The following PAX7 variants were observed in gnomAD, a reference collection of about 807,000 sequenced individuals.
PAX7 encodes paired box 7, also known as paired box protein Pax-7.
In PAX7, 18 loss-of-function variants were observed where a neutral mutation model predicts 50.7. The observed-to-expected ratio is 0.36, with a 90% confidence interval of 0.25 to 0.53. The LOEUF is 0.53. Ranked by LOEUF, PAX7 falls within the 20% of genes least tolerant of loss-of-function variation. The pLI, the probability that PAX7 is intolerant of heterozygous loss-of-function variation, is 0.93. For synonymous variants in PAX7, 310 were observed against 290.4 expected (o/e 1.07, Z -0.69); for missense variants, 644 against 702.9 (o/e 0.92, Z 0.95).
chr1:18,637,859 C>A (rs2088187571), intron 4 of PAX7, among the ~76,000 whole-genome samples: 1 of 152,242 alleles, frequency 6.6e-6, no homozygotes, highest in Non-Finnish European at 1.5e-5. Flanking sequence ...CCAGCTGTGC[C>A]GGGCGCCCCG....
chr1:18,721,812 A>G (rs1206280627), intron 7 of PAX7, among the ~76,000 whole-genome samples: 2 of 152,264 alleles, frequency 1.3e-5, no homozygotes, highest in Non-Finnish European at 2.9e-5. Flanking sequence ...CCCTGTGCAG[A>G]GTGGCAGAGA....
chr1:18,708,652 T>C (rs1368105327), intron 7 of PAX7, among the ~76,000 whole-genome samples: 2 of 152,068 alleles, frequency 1.3e-5, no homozygotes, highest in African/African-American at 4.8e-5. Context: ...TGCAGATTCA[T>C]CCCTTCATAC....
chr1:18,672,355 A>C (rs768888094), intron 4 of PAX7, among the ~76,000 whole-genome samples: 9 of 152,016 alleles, frequency 5.9e-5, no homozygotes, highest in South Asian at 4.1e-4. Context: ...AATACATAAG[A>C]TTCTTATAAT....
chr1:18,692,413 G>T (rs2089086083), intron 5 of PAX7, among the ~76,000 whole-genome samples: 1 of 152,106 alleles, frequency 6.6e-6, no homozygotes, highest in Non-Finnish European at 1.5e-5. Context: ...TTGGTGACGG[G>T]CACCCGTAAT....
intron 4 of PAX7, among the ~76,000 whole-genome samples, chr1:18,670,215 T>C (rs953269947): frequency 2.6e-5 from 4 of 152,154 alleles, no homozygotes; most frequent in African/African-American, 4.8e-5. Context: ...ACCTACCTTG[T>C]AGAGCCATGG....
At position 18,642,769 on chromosome 1, in the gene PAX7, A is replaced by T. The variant is rs188412139; in HGVS notation, c.586+6398A>T. The stretch of plus-strand genomic sequence containing the variant: ...GGGAGGGAGGGAACTCGCCTTCCCA[A>T]ATCGAATCAAGGCAGAACGGTGACC... On this transcript the variant is annotated intron_variant, in intron 4 of 8. Transcript: ENST00000420770. 4.1e-3 allele frequency among the ~76,000 whole-genome samples: 624 copies of T among 152,062 alleles called. 4 individuals carry two copies. Among genetic ancestry groups the T allele is most frequent in the African/African-American group, 0.013 (557 of 41,466 alleles).
rs1233819800 is a variant in PAX7 at position 18,735,970 on chromosome 1, G to A, written c.1402+92G>A. ...TGTTTATGGAGAGCTACAAGGTGGT[G>A]TCAGGGTGGGGAATGTCCATTTCAC... On this transcript the variant is annotated intron_variant, in intron 8 of 8. Coordinates refer to ENST00000420770, the MANE Select transcript of PAX7 (RefSeq NM_001135254.2). This position sits in a 1 kb window ranked among gnomAD's most constrained non-coding sequence, Gnocchi z 4.0. 6.2e-7 allele frequency: 1 copy of A among 1,613,802 alleles called. No homozygotes were observed. Among genetic ancestry groups the A allele is most frequent in the African/African-American group, 1.3e-5 (1 of 75,018 alleles).
At chr1:18,744,637 A>C (rs1452119642) in intron 8 of PAX7, among the ~76,000 whole-genome samples, 177 bp from the exon 9 acceptor site, 2 of 141,026 alleles carry the variant, frequency 1.4e-5, no homozygotes, top group Non-Finnish European at 3.0e-5. Context: ...GGATGGATGA[A>C]AGAATGGATG....
At chr1:18,706,547 C>T (rs1231003292) in intron 7 of PAX7, among the ~76,000 whole-genome samples, 6 of 151,104 alleles carry the variant, frequency 4.0e-5, no homozygotes, top group Admixed American at 1.3e-4. Flanking sequence ...TTGCAACCTC[C>T]GCCTCCTGGG....
At chr1:18,732,232 C>G (rs1409352934) in intron 7 of PAX7, among the ~76,000 whole-genome samples, 1 of 152,210 alleles carries the variant, frequency 6.6e-6, no homozygotes, top group South Asian at 2.1e-4. Flanking sequence ...TGTTTATTGT[C>G]AGCTTCGTTC....
rs1331503939 is a variant in PAX7, at chr1:18,689,332, G to A, written c.587-2422G>A. On this transcript the variant is annotated intron_variant, in intron 4 of 8. Coordinates refer to ENST00000420770, the MANE Select transcript of PAX7 (RefSeq NM_001135254.2). Reference sequence around the variant, plus strand: ...GGCTCTGAGCCCCAGAAATGGTGGGGAAGGGGCCCCAGGATGGCAGCTGTG... The same window carrying A: ...GGCTCTGAGCCCCAGAAATGGTGGGAAAGGGGCCCCAGGATGGCAGCTGTG... 5.9e-5 allele frequency among the ~76,000 whole-genome samples: 9 copies of A among 152,326 alleles called. No individual in the cohort carries two copies. The South Asian group carries it at 1.9e-3, about 32-fold the overall frequency.
At chr1:18,731,122 A>G (rs742074) in intron 7 of PAX7, among the ~76,000 whole-genome samples, 2,787 of 152,242 alleles carry the variant, frequency 0.018, 83 homozygotes, top group East Asian at 0.11. Context: ...AGTAAAATCT[A>G]CCCGGGGAGA....
At chr1:18,711,820 G>A (rs893675049) in intron 7 of PAX7, among the ~76,000 whole-genome samples, 28 of 152,170 alleles carry the variant, frequency 1.8e-4, no homozygotes, top group African/African-American at 6.3e-4. Flanking sequence ...AGTTTGTGGA[G>A]TGGACCAGGA....
At position 18,632,972 on chromosome 1, in the gene PAX7, T is replaced by G. The variant is rs1263493245; in HGVS notation, c.85+1284T>G. The stretch of plus-strand genomic sequence containing the variant: ...ATTTGCCCAACATGACGCAGAATAC[T>G]GAGGAGAGCCGAGTGCCGGTCGCTA... On this transcript the variant is annotated intron_variant, in intron 1 of 8. Coordinates refer to ENST00000420770, the MANE Select transcript of PAX7 (RefSeq NM_001135254.2). This position sits in a 1 kb window ranked among gnomAD's most constrained non-coding sequence, Gnocchi z 6.3. Among the ~76,000 whole-genome samples, 9 of 152,220 alleles carry G rather than the reference T, an allele frequency of 5.9e-5. No individual in the cohort carries two copies. Among genetic ancestry groups the G allele is most frequent in the Admixed American group, 5.9e-4 (9 of 15,288 alleles).
rs758228983 is a variant in PAX7, at chr1:18,634,443, C to T, written c.226C>T (p.Leu76=). ...CCGGCCCTGTGTCATCTCCCGACAG[C>T]TGCGTGTCTCCCACGGCTGCGTCTC... The part of the protein sequence containing the change: ...GIRPCVISRQ[L]RVSHGCVSKI... The change falls in exon 2 of 9, where the codon CTG becomes TTG. Residue 76 remains leucine (L), a synonymous_variant. Transcript: ENST00000420770. This position sits in a 1 kb window ranked among gnomAD's most constrained non-coding sequence, Gnocchi z 4.0. The T allele has an allele frequency of 2.5e-5, 40 of 1,614,236 alleles. No homozygotes were observed. Among genetic ancestry groups the T allele is most frequent in the Non-Finnish European group, 3.4e-5 (40 of 1,180,054 alleles).
chr1:18,729,514 A>G (rs1431596953), intron 7 of PAX7, among the ~76,000 whole-genome samples: 3 of 152,220 alleles, frequency 2.0e-5, no homozygotes, highest in Non-Finnish European at 2.9e-5. Context: ...AGTTTAGGAA[A>G]GTGGGAGTGC....
chr1:18,704,125 C>T (rs2089255996), intron 7 of PAX7, among the ~76,000 whole-genome samples: 1 of 152,168 alleles, frequency 6.6e-6, no homozygotes, highest in Non-Finnish European at 1.5e-5. Flanking sequence ...CTCCCAGTGT[C>T]AGGACAATGT....
At chr1:18,678,340 A>G (rs1273173817) in intron 4 of PAX7, among the ~76,000 whole-genome samples, 1 of 152,188 alleles carries the variant, frequency 6.6e-6, no homozygotes, top group Non-Finnish European at 1.5e-5. Context: ...CGGAGGTTGC[A>G]GTGAGCCGAG....
intron 8 of PAX7, among the ~76,000 whole-genome samples, chr1:18,744,603 T>G (rs1485849766): frequency 7.0e-6 from 1 of 142,944 alleles, no homozygotes; most frequent in African/African-American, 2.7e-5. Context: ...AGAAGATGAG[T>G]GGATAGAAGG....
Sources: gnomAD v4.1 joint callset for allele counts (sites outside exome capture counted in the v4.1 genomes callset) on GRCh38, gnomAD v4.1.1 for gene constraint, Gnocchi (gnomAD v3.1) non-coding constraint, MANE v1.5 for transcripts, NCBI Gene and HGNC (gene_info 2026-07-23, HGNC 2026-07-21) for gene names.